Variants in EPC1 observed in about 807,000 individuals in gnomAD.
EPC1 encodes enhancer of polycomb homolog 1.
EPC1 carries 12 observed loss-of-function variants against 98.4 expected under a neutral mutation model. The observed-to-expected ratio is 0.12, with a 90% CI of 0.08 to 0.20. EPC1 has a LOEUF of 0.20. Among genes scored for constraint, EPC1 ranks in the 10% least tolerant of loss-of-function variants. The pLI, the probability that EPC1 is intolerant of heterozygous loss-of-function variation, is 1.00. For missense variants in EPC1, 729 were observed against 990.5 expected, an observed-to-expected ratio of 0.74 and a Z score of 3.54; for synonymous variants, 357 against 363.9, an observed-to-expected ratio of 0.98 and a Z score of 0.21.
chr10:32,271,458 A>T (rs946606920), intron 13 of EPC1, 96 bp downstream of exon 13: 1 of 1,353,100 alleles, frequency 7.4e-7, no homozygotes, highest in Non-Finnish European at 1.0e-6. Flanking sequence ...TAAAAGGAAA[A>T]GAACAAGAAA....
Position 32,291,255 on chromosome 10 carries a change from G to T in EPC1, c.883C>A (p.Pro295Thr), listed in dbSNP as rs549893209. The T allele has an allele frequency of 2.5e-6, 4 of 1,613,902 alleles. No homozygotes were observed. The highest frequency in any genetic ancestry group is 2.2e-5 in the East Asian group (1 of 44,866). ...EVMAQRQPMK[P>T]TYAIPIIPIT... ...GGGATGATGGGGATGGCATAAGTAGGTTTCATTGGCTGTCTCTGTGCCATA... is the reference window on the plus strand; with the variant it reads ...GGGATGATGGGGATGGCATAAGTAGTTTTCATTGGCTGTCTCTGTGCCATA... The change falls in exon 6 of 14, where the codon CCT becomes ACT. Residue 295 changes from proline to threonine, a missense_variant. By Grantham distance (38) the Pro-to-Thr change is conservative (BLOSUM62 -1). Transcript: ENST00000319778.
chr10:32,322,968 C>T (rs1370589095), intron 1 of EPC1, among the ~76,000 whole-genome samples: 4 of 151,888 alleles, frequency 2.6e-5, no homozygotes, highest in African/African-American at 9.7e-5. Context: ...TTGTATATTT[C>T]AAAACAACTA....
At chr10:32,361,244 C>T (rs1049552832) in intron 1 of EPC1, among the ~76,000 whole-genome samples, 4 of 152,216 alleles carry the variant, frequency 2.6e-5, no homozygotes, top group African/African-American at 9.6e-5. Flanking sequence ...TTTTTTCTAG[C>T]TCTGTAAACA....
intron 1 of EPC1, among the ~76,000 whole-genome samples, chr10:32,328,988 T>G (rs1452357855): frequency 6.6e-6 from 1 of 152,244 alleles, no homozygotes. Context: ...TTGGGACTTC[T>G]GAGCTGGCTT....
intron 1 of EPC1, among the ~76,000 whole-genome samples, chr10:32,346,251 C>G (rs1229072572): frequency 1.3e-5 from 2 of 152,218 alleles, no homozygotes; most frequent in Non-Finnish European, 2.9e-5. Context: ...CTTCCCAGAC[C>G]ATGGGGCAAT....
chr10:32,278,768 C>G (rs1254787877), intron 10 of EPC1, among the ~76,000 whole-genome samples: 1 of 152,064 alleles, frequency 6.6e-6, no homozygotes, highest in Non-Finnish European at 1.5e-5. Flanking sequence ...GTATGATCTC[C>G]TAATTAGTGA....
intron 1 of EPC1, among the ~76,000 whole-genome samples, chr10:32,344,126 A>C (rs1351284636): frequency 6.6e-6 from 1 of 152,240 alleles, no homozygotes; most frequent in Non-Finnish European, 1.5e-5. Context: ...ATACTTCCGC[A>C]CATCAAAAAG....
intron 10 of EPC1, among the ~76,000 whole-genome samples, chr10:32,279,103 C>T (rs992182643): frequency 2.0e-5 from 3 of 152,078 alleles, no homozygotes; most frequent in Admixed American, 6.5e-5. Context: ...GTAATCCCAG[C>T]GTTTTGGGAG....
At position 32,305,022 on chromosome 10, in the gene EPC1, A is replaced by C. The variant is rs1835794975; in HGVS notation, c.313+750T>G. On this transcript the variant is annotated intron_variant, in intron 2 of 13. Transcript: ENST00000319778. ...GGAATTTTACCTTACTAACCTTTCA[A>C]TTATTTGTTTTTAAGTTGTTAATTA... is the stretch of plus-strand genomic sequence containing the variant. Among the ~76,000 whole-genome samples, 3 of 152,206 alleles carry C rather than the reference A, an allele frequency of 2.0e-5. No individual in the cohort carries two copies. The South Asian group carries it at 6.2e-4, about 31-fold the overall frequency.
At chr10:32,305,744 T>C (rs1246627462) in intron 2 of EPC1, 28 bp downstream of exon 2, 2 of 1,528,944 alleles carry the variant, frequency 1.3e-6, no homozygotes, top group African/African-American at 2.8e-5. Context: ...ATATAGAAAA[T>C]ACAATCATTA....
chr10:32,369,291 G>A lies in EPC1; in HGVS notation c.3+9200C>T, dbSNP rs116816788. ...TACATATTCTAAAAGGTTAGGAAGTGCAAAATCCAGGTATTTTTCAATTGA... is the reference window on the plus strand; with the variant it reads ...TACATATTCTAAAAGGTTAGGAAGTACAAAATCCAGGTATTTTTCAATTGA... On this transcript the variant is annotated intron_variant, in intron 1 of 13. Coordinates refer to the EPC1 transcript ENST00000375110. 8.9e-3 allele frequency among the ~76,000 whole-genome samples: 1,349 copies of A among 152,290 alleles called. 17 individuals carry two copies. Among genetic ancestry groups the A allele is most frequent in the African/African-American group, 0.031 (1,286 of 41,552 alleles).
At chr10:32,318,820 C>T (rs11008877) in intron 1 of EPC1, among the ~76,000 whole-genome samples, 1 of 152,308 alleles carries the variant, frequency 6.6e-6, no homozygotes, top group African/African-American at 2.4e-5. Context: ...GGCCTTCTAA[C>T]CTCTAGTATT....
chr10:32,290,875 A>G (rs924780157), intron 6 of EPC1, among the ~76,000 whole-genome samples: 14 of 151,642 alleles, frequency 9.2e-5, no homozygotes, highest in African/African-American at 3.4e-4. Context: ...CCTGGATTCA[A>G]TTAATTCTCC....
At chr10:32,298,272 T>C (rs1049730684) in intron 2 of EPC1, among the ~76,000 whole-genome samples, 28 of 152,168 alleles carry the variant, frequency 1.8e-4, no homozygotes, top group Non-Finnish European at 4.0e-4. Flanking sequence ...ACAAGTGCCA[T>C]TTATGACTCA....
intron 1 of EPC1, among the ~76,000 whole-genome samples, chr10:32,318,389 A>G (rs1836681056): frequency 6.6e-6 from 1 of 152,212 alleles, no homozygotes; most frequent in African/African-American, 2.4e-5. Context: ...AATAACACAA[A>G]CTAAATCTGT....
intron 10 of EPC1, among the ~76,000 whole-genome samples, chr10:32,279,033 A>G (rs559926901): frequency 6.6e-6 from 1 of 152,312 alleles, no homozygotes; most frequent in East Asian, 1.9e-4. Flanking sequence ...CAGATGTTAT[A>G]TAATAATCCA....
chr10:32,298,834 G>A (rs1007445821), intron 2 of EPC1, among the ~76,000 whole-genome samples: 1 of 152,138 alleles, frequency 6.6e-6, no homozygotes, highest in Non-Finnish European at 1.5e-5. Context: ...TATGCTGCAG[G>A]GGATGTTGAG....
intron 6 of EPC1, among the ~76,000 whole-genome samples, chr10:32,290,412 G>C (rs1479667457): frequency 6.7e-6 from 1 of 149,888 alleles, no homozygotes; most frequent in Non-Finnish European, 1.5e-5. Context: ...CTTAAACTCG[G>C]GAGGTGGAGG....
chr10:32,367,708 C>T (rs927951895), intron 1 of EPC1, among the ~76,000 whole-genome samples: 1 of 152,142 alleles, frequency 6.6e-6, no homozygotes, highest in Non-Finnish European at 1.5e-5. Context: ...GAAATGTACA[C>T]ATTTGTATTG....
Sources: allele counts gnomAD v4.1 joint callset (sites outside exome capture counted in the v4.1 genomes callset), GRCh38; gene constraint gnomAD v4.1.1; transcripts MANE v1.5; gene names NCBI Gene and HGNC (gene_info 2026-07-23, HGNC 2026-07-21).